FHIT: variants seen among roughly 807,000 people sequenced by gnomAD.
FHIT encodes bis(5'-adenosyl)-triphosphatase.
Under a neutral mutation model 17.9 loss-of-function variants are expected in FHIT, and 19 were observed. The observed-to-expected ratio is 1.06, with a 90% CI of 0.74 to 1.56. The LOEUF (loss-of-function observed/expected upper bound fraction) is 1.56. Ranked by LOEUF, FHIT falls within the 40% of genes most tolerant of loss-of-function variation. The pLI is 0.00. For missense variants in FHIT, 248 were observed against 189.2 expected, an observed-to-expected ratio of 1.31 and a Z score of -1.82; for synonymous variants, 81 against 69.7, an observed-to-expected ratio of 1.16 and a Z score of -0.81.
chr3:61,136,521 C>A (rs948291843), intron 2 of FHIT, among the ~76,000 whole-genome samples: 8 of 151,834 alleles, frequency 5.3e-5, no homozygotes, highest in Non-Finnish European at 8.8e-5. Context: ...AGAGTACTTA[C>A]AATGGGGGTT....
intron 3 of FHIT, among the ~76,000 whole-genome samples, chr3:60,853,198 T>C (rs1259975642): frequency 1.3e-5 from 2 of 152,256 alleles, no homozygotes; most frequent in East Asian, 1.9e-4. Context: ...CCTTGAATCA[T>C]GTATGATGGT....
chr3:61,231,120 C>T (rs1166534826), intron 1 of FHIT, among the ~76,000 whole-genome samples: 5 of 152,044 alleles, frequency 3.3e-5, no homozygotes, highest in Non-Finnish European at 7.4e-5. Flanking sequence ...AATTGGGTAA[C>T]GCATAGGCAT....
chr3:60,139,544 C>T (rs1429480562), intron 5 of FHIT, among the ~76,000 whole-genome samples: 1 of 152,130 alleles, frequency 6.6e-6, no homozygotes, highest in East Asian at 1.9e-4. Context: ...TCTTAGAAGC[C>T]TTGCACAATC....
At chr3:60,445,211 T>C (rs953334095) in intron 5 of FHIT, among the ~76,000 whole-genome samples, 6 of 152,018 alleles carry the variant, frequency 3.9e-5, no homozygotes, top group Non-Finnish European at 8.8e-5. Context: ...TAGGTCTGGG[T>C]GGGGCTCATG....
At chr3:60,818,889 C>G (rs2106754704) in intron 4 of FHIT, among the ~76,000 whole-genome samples, 1 of 152,256 alleles carries the variant, frequency 6.6e-6, no homozygotes, top group East Asian at 1.9e-4. Context: ...TTAGCCTGTT[C>G]TCACTCTAAA....
rs145588457 is a variant in FHIT at position 60,562,699 on chromosome 3, T to C, written c.-17-25720A>G. ...ATTCTCAGCTCCACTCCAGATGTAA[T>C]TGATCAAAATCTGCACTTGACCTGA... On this transcript the variant is annotated intron_variant, in intron 4 of 9. Transcript: ENST00000492590. Among the ~76,000 whole-genome samples the C allele has an allele frequency of 7.5e-3, 1,141 of 152,280 alleles. 4 individuals carry two copies. Among genetic ancestry groups the C allele is most frequent in the Middle Eastern group, 0.027 (8 of 294 alleles).
At chr3:61,063,459 T>A (rs2034498969) in intron 2 of FHIT, among the ~76,000 whole-genome samples, 1 of 152,026 alleles carries the variant, frequency 6.6e-6, no homozygotes, top group Non-Finnish European at 1.5e-5. Flanking sequence ...TCTACAGGCA[T>A]AAAATTTTAA....
intron 5 of FHIT, among the ~76,000 whole-genome samples, chr3:60,513,985 A>G (rs1435790626): frequency 6.6e-6 from 1 of 152,182 alleles, no homozygotes; most frequent in Non-Finnish European, 1.5e-5. Flanking sequence ...ATCGGAGACT[A>G]GGTTGGGGAG....
At chr3:61,019,010 T>C (rs1170138220) in intron 3 of FHIT, among the ~76,000 whole-genome samples, 4 of 152,214 alleles carry the variant, frequency 2.6e-5, no homozygotes, top group African/African-American at 7.2e-5. Context: ...AAATAAAGCA[T>C]GAATAATTAC....
At chr3:61,116,148 T>A (rs1345106082) in intron 2 of FHIT, among the ~76,000 whole-genome samples, 4 of 151,918 alleles carry the variant, frequency 2.6e-5, no homozygotes, top group African/African-American at 9.7e-5. Flanking sequence ...GTTAAGTCTC[T>A]AGAATGACAA....
At chr3:59,886,620 C>T (rs1210832259) in intron 8 of FHIT, among the ~76,000 whole-genome samples, 1 of 152,052 alleles carries the variant, frequency 6.6e-6, no homozygotes, top group Non-Finnish European at 1.5e-5. Flanking sequence ...TTTTTAACAA[C>T]CAGCTTTCAT....
intron 7 of FHIT, among the ~76,000 whole-genome samples, chr3:59,940,042 G>T (rs114641992): frequency 2.2e-4 from 33 of 152,264 alleles, no homozygotes; most frequent in African/African-American, 7.9e-4. Flanking sequence ...GACAGCCTGG[G>T]CTTAATTCCT....
At chr3:59,920,887 T>TA (rs947400950) in intron 8 of FHIT, among the ~76,000 whole-genome samples, 52 of 152,318 alleles carry the variant, frequency 3.4e-4, no homozygotes, top group African/African-American at 9.4e-4. Flanking sequence ...AATGGCTTTG[T>TA]AAAACCCAGA....
At position 61,039,343 on chromosome 3, in the gene FHIT, G is replaced by A. The variant is rs540347247; in HGVS notation, c.-111+2704C>T. Among the ~76,000 whole-genome samples the A allele has an allele frequency of 1.4e-4, 22 of 152,252 alleles. No homozygotes were observed. In the South Asian group the frequency reaches 2.3e-3, roughly 16 times the overall value. ...TTACAGAAAGGTTACTTTAGACATC[G>A]TGAAATCCTTACTGGGAGATCTACT... On this transcript the variant is annotated intron_variant, in intron 3 of 9. Transcript: ENST00000492590.
At chr3:60,389,679 A>G (rs1202649604) in intron 5 of FHIT, among the ~76,000 whole-genome samples, 1 of 152,188 alleles carries the variant, frequency 6.6e-6, no homozygotes, top group Non-Finnish European at 1.5e-5. Context: ...TTATGTGCCA[A>G]GTATGGTCGA....
At chr3:59,898,727 A>G (rs9883913) in intron 8 of FHIT, among the ~76,000 whole-genome samples, 19,685 of 151,984 alleles carry the variant, frequency 0.13, 1,837 homozygotes, top group African/African-American at 0.27. Context: ...ACCTTACAAC[A>G]CCAGACAATG....
At chr3:60,672,622 C>T (rs148319161) in intron 4 of FHIT, among the ~76,000 whole-genome samples, 11 of 152,272 alleles carry the variant, frequency 7.2e-5, no homozygotes, top group East Asian at 5.8e-4. Flanking sequence ...ACAGGGGATG[C>T]GATGGCTTGG....
At chr3:60,018,813 A>G (rs988944124) in intron 5 of FHIT, among the ~76,000 whole-genome samples, 5 of 143,456 alleles carry the variant, frequency 3.5e-5, no homozygotes, top group African/African-American at 1.3e-4. Context: ...CCCCATCTCT[A>G]CTAAAAATAC....
intron 5 of FHIT, among the ~76,000 whole-genome samples, chr3:60,534,982 T>TA (rs1182729999): frequency 3.3e-5 from 5 of 152,096 alleles, no homozygotes; most frequent in African/African-American, 1.2e-4. Flanking sequence ...AAGATATGAG[T>TA]AAAAAAACTA....
Sources: allele counts gnomAD v4.1 joint callset (sites outside exome capture counted in the v4.1 genomes callset), GRCh38; gene constraint gnomAD v4.1.1; transcripts MANE v1.5; gene names NCBI Gene and HGNC (gene_info 2026-07-23, HGNC 2026-07-21).